Variants in DISC1 observed in about 807,000 individuals in gnomAD.
DISC1 encodes the protein DISC1 scaffold protein, also known as disrupted in schizophrenia 1 protein.
A neutral mutation model predicts 84.5 loss-of-function variants in DISC1; 57 were observed. The observed-to-expected ratio is 0.67, with a 90% CI of 0.55 to 0.84. DISC1 has a LOEUF of 0.84. DISC1 is among the 40% of genes least tolerant of loss of function. DISC1 has a pLI of 0.00. For synonymous variants in DISC1, 411 were observed against 415.2 expected, an observed-to-expected ratio of 0.99 and a Z score of 0.12; for missense variants, 1,000 against 1,057.8, an observed-to-expected ratio of 0.95 and a Z score of 0.76.
intron 11 of DISC1, among the ~76,000 whole-genome samples, chr1:232,019,188 T>C (rs1309638996): frequency 6.6e-6 from 1 of 151,996 alleles, no homozygotes; most frequent in Non-Finnish European, 1.5e-5. Flanking sequence ...GGGTTGGAGA[T>C]TCGGGATTGA....
intron 9 of DISC1, among the ~76,000 whole-genome samples, chr1:231,919,032 A>G (rs894892110): frequency 1.3e-5 from 2 of 152,210 alleles, no homozygotes; most frequent in African/African-American, 4.8e-5. Context: ...ATAATTTTCC[A>G]GTCCTAGTGC....
intron 1 of DISC1, among the ~76,000 whole-genome samples, chr1:231,665,054 A>G (rs2061900575): frequency 1.3e-5 from 2 of 152,230 alleles, no homozygotes; most frequent in African/African-American, 4.8e-5. Flanking sequence ...TGTACATGGC[A>G]TCCTTTGCAG....
intron 8 of DISC1, among the ~76,000 whole-genome samples, chr1:231,801,821 GTT>G (rs1270795717): frequency 2.2e-5 from 3 of 139,440 alleles, no homozygotes. Context: ...AAGGATCTTG[GTT>G]TTTTTTTTTT....
chr1:231,711,722 A>G (rs1573108535), intron 3 of DISC1, among the ~76,000 whole-genome samples: 1 of 152,166 alleles, frequency 6.6e-6, no homozygotes, highest in Non-Finnish European at 1.5e-5. Context: ...CCAGCTGAAA[A>G]GAGGACTTAT....
At chr1:232,010,825 G>A (rs560256625) in intron 11 of DISC1, among the ~76,000 whole-genome samples, 39 of 152,220 alleles carry the variant, frequency 2.6e-4, no homozygotes, top group Non-Finnish European at 5.0e-4. Flanking sequence ...CGGATTCTTC[G>A]CTGCATCCCT....
At position 232,026,365 on chromosome 1, in the gene DISC1, G is replaced by A. The variant is rs1669464316; in HGVS notation, c.2308-70G>A. 1.0e-5 allele frequency: 11 copies of A among 1,069,276 alleles called. No individual in the cohort carries two copies. The Admixed American group carries it at 2.4e-4, about 23-fold the overall frequency. The allele number at this position is 1,069,276 out of a possible 1,614,324, so 66.2% of individuals were successfully genotyped here. A position where few individuals can be genotyped will look rare whatever the true frequency, so the allele number is the denominator to read the frequency against. ...CAGAAACTGGGAGAGCTCTTTCCAGGAAGCTTCCCTTTGTGTTCTGTCTGT... is the reference window on the plus strand; with the variant it reads ...CAGAAACTGGGAGAGCTCTTTCCAGAAAGCTTCCCTTTGTGTTCTGTCTGT... On this transcript the variant is annotated intron_variant, in intron 11 of 12. Transcript: ENST00000439617.
chr1:231,984,477 T>G (rs952726202), intron 10 of DISC1, among the ~76,000 whole-genome samples: 2 of 152,148 alleles, frequency 1.3e-5, no homozygotes, highest in African/African-American at 4.8e-5. Flanking sequence ...GATAAAATGT[T>G]CCTCATCCCT....
At chr1:231,658,458 A>C (rs1052620609) in intron 1 of DISC1, among the ~76,000 whole-genome samples, 5 of 152,262 alleles carry the variant, frequency 3.3e-5, no homozygotes, top group African/African-American at 1.2e-4. Flanking sequence ...TTCCTATTTG[A>C]ACACCCTTTA....
chr1:231,981,909 A>G (rs1426673773), intron 10 of DISC1, among the ~76,000 whole-genome samples: 3 of 152,172 alleles, frequency 2.0e-5, no homozygotes, highest in African/African-American at 7.2e-5. Flanking sequence ...AGATTATTTT[A>G]AGTGTGATGA....
intron 12 of DISC1, among the ~76,000 whole-genome samples, chr1:232,034,987 G>T (rs1670385621): frequency 6.6e-6 from 1 of 152,088 alleles, no homozygotes; most frequent in East Asian, 1.9e-4. Context: ...AAGTTCAAAT[G>T]CAAGGAGAGA....
At chr1:231,896,129 T>C (rs200508158) in intron 9 of DISC1, among the ~76,000 whole-genome samples, 50 of 152,160 alleles carry the variant, frequency 3.3e-4, no homozygotes, top group Non-Finnish European at 4.9e-4. Flanking sequence ...CAATGATGGC[T>C]GTTCATAGCC....
At chr1:231,691,863 G>C (rs1467256870) in intron 1 of DISC1, among the ~76,000 whole-genome samples, 1 of 152,152 alleles carries the variant, frequency 6.6e-6, no homozygotes, top group African/African-American at 2.4e-5. Flanking sequence ...GGTCGGGCCC[G>C]GACACTGCAG....
At chr1:232,024,122 AT>A (rs1197399736) in intron 11 of DISC1, among the ~76,000 whole-genome samples, 1 of 151,804 alleles carries the variant, frequency 6.6e-6, no homozygotes, top group East Asian at 1.9e-4. Flanking sequence ...CACCACTGTT[AT>A]GGTCAATTTT....
chr1:231,700,283 C>G (rs561473211), intron 2 of DISC1, among the ~76,000 whole-genome samples: 21 of 152,324 alleles, frequency 1.4e-4, no homozygotes, highest in Non-Finnish European at 2.6e-4. Context: ...AGAACAACCT[C>G]TCTTCCTCCT....
In DISC1 at chr1:231,782,877, G is replaced by A. The variant is rs574037726; in HGVS notation, c.1634+11807G>A. Among the ~76,000 whole-genome samples the A allele has an allele frequency of 1.7e-4, 26 of 152,274 alleles. No homozygotes were observed. The South Asian group carries it at 5.0e-3, about 29-fold the overall frequency. ...GAGTCACTTGAACATGGGAGGTGGA[G>A]GTTGCAGTGAGTGGAGATCGTGTCA... is the stretch of plus-strand genomic sequence containing the variant. On this transcript the variant is annotated intron_variant, in intron 6 of 12. Coordinates refer to ENST00000439617, the MANE Select transcript of DISC1 (RefSeq NM_018662.3).
At chr1:231,883,010 A>G (rs1318856496) in intron 9 of DISC1, among the ~76,000 whole-genome samples, 1 of 151,872 alleles carries the variant, frequency 6.6e-6, no homozygotes, top group East Asian at 2.0e-4. Context: ...CAAGAGGCTC[A>G]TTCGTCACTC....
intron 3 of DISC1, among the ~76,000 whole-genome samples, chr1:231,720,115 C>G (rs1168874014): frequency 6.6e-6 from 1 of 152,150 alleles, no homozygotes; most frequent in East Asian, 1.9e-4. Context: ...CCAAGGGTGC[C>G]TTAGGGATGA....
intron 10 of DISC1, among the ~76,000 whole-genome samples, chr1:232,007,023 T>C (rs940448473): frequency 3.3e-5 from 5 of 152,242 alleles, no homozygotes; most frequent in African/African-American, 1.2e-4. Flanking sequence ...CATGTGGTGT[T>C]GGACCTGTGA....
At chr1:232,030,614 A>G (rs1011652120) in intron 12 of DISC1, among the ~76,000 whole-genome samples, 2 of 152,184 alleles carry the variant, frequency 1.3e-5, no homozygotes, top group Non-Finnish European at 2.9e-5. Context: ...CTCTAAATAC[A>G]TCCAGGTTTG....
Sources: gnomAD v4.1 joint callset for allele counts (sites outside exome capture counted in the v4.1 genomes callset) on GRCh38, gnomAD v4.1.1 for gene constraint, MANE v1.5 for transcripts, NCBI Gene and HGNC (gene_info 2026-07-23, HGNC 2026-07-21) for gene names.